MAD1L1: variants seen among roughly 807,000 people sequenced by gnomAD.
The protein encoded by MAD1L1 is mitotic arrest deficient 1 like 1, also known as mitotic spindle assembly checkpoint protein MAD1.
MAD1L1 carries 95 observed loss-of-function variants against 96.9 expected under a neutral mutation model. The ratio of observed to expected loss-of-function variants is 0.98; its 90% CI spans 0.83 to 1.16. MAD1L1 has a LOEUF of 1.16. Among genes scored for constraint, MAD1L1 ranks in the 50% most tolerant of loss-of-function variants. The pLI is 0.00. For synonymous variants in MAD1L1, 473 were observed against 396.6 expected, an observed-to-expected ratio of 1.19 and a Z score of -2.29; for missense variants, 1,007 against 954.4, an observed-to-expected ratio of 1.06 and a Z score of -0.73.
chr7:2,133,432 T>A (rs1277179121), intron 11 of MAD1L1, among the ~76,000 whole-genome samples: 2 of 152,278 alleles, frequency 1.3e-5, no homozygotes, highest in Non-Finnish European at 1.5e-5. Context: ...GTTCTTTGTA[T>A]AATTTGGATA....
At chr7:1,856,608 T>A (rs780815771) in intron 18 of MAD1L1, among the ~76,000 whole-genome samples, 3 of 152,124 alleles carry the variant, frequency 2.0e-5, no homozygotes, top group African/African-American at 7.2e-5. Flanking sequence ...AGAGATAAGA[T>A]TCATTAATAA....
chr7:2,162,172 G>A (rs896749415), intron 10 of MAD1L1, among the ~76,000 whole-genome samples: 14 of 152,248 alleles, frequency 9.2e-5, no homozygotes, highest in African/African-American at 3.4e-4. Context: ...GGAAAAGAAA[G>A]AGAGATCAGA....
Position 2,119,633 on chromosome 7 carries a change from C to A in MAD1L1, c.1073+29519G>T, listed in dbSNP as rs933718924. The stretch of plus-strand genomic sequence containing the variant: ...CTTAGTGGCAGGTGGGCTACAGCTG[C>A]AGGACAGAGGGCTGGAGCTCTGGAG... On this transcript the variant is annotated intron_variant, in intron 11 of 18. Transcript: ENST00000265854. The surrounding 1 kb of genome is among the most constrained non-coding windows in gnomAD (Gnocchi z 4.6). Among the ~76,000 whole-genome samples, 2 of 152,166 alleles carry A rather than the reference C, an allele frequency of 1.3e-5. No individual in the cohort carries two copies. The highest frequency in any genetic ancestry group is 4.8e-5 in the African/African-American group (2 of 41,424).
chr7:1,934,979 G>A (rs1459318619), intron 17 of MAD1L1, among the ~76,000 whole-genome samples: 3 of 151,772 alleles, frequency 2.0e-5, no homozygotes, highest in African/African-American at 7.3e-5. Context: ...GAACAGATGG[G>A]CAAACCCGAG....
chr7:2,213,090 C>T (rs1318780289), intron 10 of MAD1L1, 122 bp downstream of exon 10: 10 of 1,002,850 alleles, frequency 1.0e-5, no homozygotes, highest in East Asian at 2.6e-5. Context: ...AGGACAAATG[C>T]CCCGCACCAG....
intron 11 of MAD1L1, among the ~76,000 whole-genome samples, chr7:2,091,052 A>G (rs1002734527): frequency 3.3e-5 from 5 of 152,060 alleles, no homozygotes; most frequent in Non-Finnish European, 5.9e-5. Flanking sequence ...AAGTCACTCC[A>G]CTTCATTTTC....
intron 10 of MAD1L1, among the ~76,000 whole-genome samples, chr7:2,162,816 ATCTTTCAAGCTGCAAACTTTT>A (rs1300498684): frequency 8.0e-5 from 12 of 149,464 alleles, no homozygotes; most frequent in Admixed American, 8.0e-4. Flanking sequence ...ACACACAATT[ATCTTTCAAGCTGCAAACTTTT>A]TCTTCGAACA....
At chr7:2,066,555 A>G (rs1227624638) in intron 12 of MAD1L1, among the ~76,000 whole-genome samples, 1 of 152,214 alleles carries the variant, frequency 6.6e-6, no homozygotes, top group African/African-American at 2.4e-5. Flanking sequence ...CGCGGGCCAG[A>G]AAGTGCCAGA....
chr7:2,021,056 C>T (rs1259988172), intron 12 of MAD1L1, among the ~76,000 whole-genome samples: 2 of 152,056 alleles, frequency 1.3e-5, no homozygotes, highest in Admixed American at 6.5e-5. Flanking sequence ...GCAATGAAAA[C>T]AAAAGAAGAG....
At chr7:1,950,823 C>G (rs573240836) in intron 16 of MAD1L1, among the ~76,000 whole-genome samples, 1 of 152,222 alleles carries the variant, frequency 6.6e-6, no homozygotes, top group African/African-American at 2.4e-5. Flanking sequence ...GTGAGCACCG[C>G]GGTGGGTCCT....
At chr7:2,023,347 A>C (rs1782867088) in intron 12 of MAD1L1, among the ~76,000 whole-genome samples, 1 of 152,254 alleles carries the variant, frequency 6.6e-6, no homozygotes, top group Admixed American at 6.5e-5. Context: ...CTCAGACCAC[A>C]CTAAAATTAA....
chr7:1,996,791 G>T (rs1038666226), intron 14 of MAD1L1, among the ~76,000 whole-genome samples: 1 of 151,950 alleles, frequency 6.6e-6, no homozygotes, highest in Non-Finnish European at 1.5e-5. Flanking sequence ...TGAGAGCGGC[G>T]TAATTCCCTC....
intron 10 of MAD1L1, among the ~76,000 whole-genome samples, chr7:2,169,766 T>TGG (rs1790621525): frequency 8.6e-6 from 1 of 116,426 alleles, no homozygotes; most frequent in Non-Finnish European, 1.6e-5. Flanking sequence ...AAAGGCCCAC[T>TGG]GGGGGCACTC....
chr7:2,149,496 C>T (rs373691863), intron 10 of MAD1L1, among the ~76,000 whole-genome samples: 15 of 152,278 alleles, frequency 9.9e-5, no homozygotes, highest in African/African-American at 3.1e-4. Flanking sequence ...AACAGAGACA[C>T]GACCTGACAG....
intron 10 of MAD1L1, among the ~76,000 whole-genome samples, chr7:2,159,714 C>T (rs79106476): frequency 0.042 from 6,349 of 152,246 alleles, 461 homozygotes; most frequent in African/African-American, 0.14. Flanking sequence ...TGAACTCAGA[C>T]CACTGGATTA....
At chr7:1,837,322 G>A (rs1782984737) in intron 18 of MAD1L1, among the ~76,000 whole-genome samples, 1 of 152,348 alleles carries the variant, frequency 6.6e-6, no homozygotes. Flanking sequence ...TGGTGACCGT[G>A]TGCAGAAACT....
intron 17 of MAD1L1, among the ~76,000 whole-genome samples, chr7:1,933,253 A>T (rs897911736): frequency 2.0e-5 from 3 of 152,138 alleles, no homozygotes; most frequent in African/African-American, 7.2e-5. Flanking sequence ...AGGAGCATGG[A>T]GCCGTCTGCC....
intron 11 of MAD1L1, among the ~76,000 whole-genome samples, chr7:2,069,978 G>A (rs918241828): frequency 2.6e-5 from 4 of 152,040 alleles, no homozygotes; most frequent in Non-Finnish European, 4.4e-5. Context: ...TGTCACCTAC[G>A]TTACCACAAT....
At chr7:1,860,660 T>C (rs1357681809) in intron 18 of MAD1L1, among the ~76,000 whole-genome samples, 2 of 152,192 alleles carry the variant, frequency 1.3e-5, no homozygotes, top group African/African-American at 2.4e-5. Flanking sequence ...GGGCAGGGGC[T>C]ACTGGCGACT....
Sources: gnomAD v4.1 joint callset for allele counts (sites outside exome capture counted in the v4.1 genomes callset) on GRCh38, gnomAD v4.1.1 for gene constraint, Gnocchi (gnomAD v3.1) non-coding constraint, MANE v1.5 for transcripts, NCBI Gene and HGNC (gene_info 2026-07-23, HGNC 2026-07-21) for gene names.